The following CCSER1 variants were observed in gnomAD, a reference collection of about 807,000 sequenced individuals.
CCSER1 encodes the protein serine-rich coiled-coil domain-containing protein 1.
A neutral mutation model predicts 82.0 loss-of-function variants in CCSER1; 41 were observed. The ratio of observed to expected loss-of-function variants is 0.50; its 90% CI spans 0.39 to 0.65. The LOEUF (loss-of-function observed/expected upper bound fraction) is 0.65. CCSER1 is among the 30% of genes least tolerant of loss of function. CCSER1 has a pLI of 0.00. For missense variants in CCSER1, 1,119 were observed against 1,064.2 expected, an observed-to-expected ratio of 1.05 and a Z score of -0.72; for synonymous variants, 414 against 383.9, an observed-to-expected ratio of 1.08 and a Z score of -0.92.
intron 1 of CCSER1, among the ~76,000 whole-genome samples, chr4:90,131,272 G>GT (rs1722790732): frequency 6.6e-6 from 1 of 152,220 alleles, no homozygotes; most frequent in African/African-American, 2.4e-5. Flanking sequence ...AAGTGCTGGG[G>GT]TAACAGGCGT....
intron 8 of CCSER1, among the ~76,000 whole-genome samples, chr4:90,921,956 A>AT (rs1473306907): frequency 1.3e-5 from 2 of 151,912 alleles, no homozygotes; most frequent in African/African-American, 2.4e-5. Flanking sequence ...AGATAAATAC[A>AT]TTTTTTTCTC....
chr4:90,210,579 GA>G (rs1739791821), intron 1 of CCSER1, among the ~76,000 whole-genome samples: 1 of 151,900 alleles, frequency 6.6e-6, no homozygotes, highest in South Asian at 2.1e-4. Flanking sequence ...GAGTAGCTGA[GA>G]CTACAGGCAT....
chr4:90,946,087 A>T lies in CCSER1; in HGVS notation c.2172+22640A>T, dbSNP rs114229941. The stretch of plus-strand genomic sequence containing the variant: ...AAAAATAAACTAAAATTTTAATAAG[A>T]TAACTTTTTGCCTTTGATTTTTATA... On this transcript the variant is annotated intron_variant, in intron 9 of 10. Coordinates refer to ENST00000509176, the MANE Select transcript of CCSER1 (RefSeq NM_001145065.2). 6.0e-3 allele frequency among the ~76,000 whole-genome samples: 917 copies of T among 152,278 alleles called. 7 individuals carry two copies. Among genetic ancestry groups the T allele is most frequent in the African/African-American group, 0.021 (868 of 41,572 alleles).
At chr4:90,326,798 G>T (rs1202778844) in intron 3 of CCSER1, among the ~76,000 whole-genome samples, 1 of 152,116 alleles carries the variant, frequency 6.6e-6, no homozygotes, top group Non-Finnish European at 1.5e-5. Context: ...TTCGGCATCC[G>T]ATGAGCCCTG....
chr4:90,997,588 G>T (rs566664558), intron 9 of CCSER1, among the ~76,000 whole-genome samples: 1 of 152,274 alleles, frequency 6.6e-6, no homozygotes, highest in East Asian at 1.9e-4. Context: ...CATATAGTAG[G>T]TGCACATTTA....
chr4:91,116,353 G>A (rs192528413), intron 10 of CCSER1, among the ~76,000 whole-genome samples: 2 of 152,096 alleles, frequency 1.3e-5, no homozygotes, highest in Non-Finnish European at 2.9e-5. Flanking sequence ...ACAGTGTGCC[G>A]CTTGCAAGCT....
intron 10 of CCSER1, among the ~76,000 whole-genome samples, chr4:91,333,212 C>G (rs911401266): frequency 3.9e-5 from 6 of 151,950 alleles, no homozygotes; most frequent in African/African-American, 1.4e-4. Context: ...AAAAAGAATT[C>G]TGAATACAGT....
intron 6 of CCSER1, among the ~76,000 whole-genome samples, chr4:90,700,222 G>A (rs1329798461): frequency 6.6e-6 from 1 of 152,058 alleles, no homozygotes; most frequent in African/African-American, 2.4e-5. Context: ...CCACCTATGA[G>A]TGAGAACATG....
intron 8 of CCSER1, among the ~76,000 whole-genome samples, chr4:90,834,219 A>G (rs968866536): frequency 1.3e-5 from 2 of 152,222 alleles, no homozygotes; most frequent in African/African-American, 2.4e-5. Flanking sequence ...TTTCCTTCCT[A>G]GTACTCACAA....
chr4:91,457,003 A>G (rs916748409), intron 10 of CCSER1, among the ~76,000 whole-genome samples: 6 of 152,174 alleles, frequency 3.9e-5, no homozygotes, highest in African/African-American at 1.4e-4. Context: ...TATTTAATTT[A>G]GGAAGTATTC....
intron 7 of CCSER1, among the ~76,000 whole-genome samples, chr4:90,798,706 G>A (rs555895216): frequency 2.1e-4 from 32 of 152,246 alleles, no homozygotes; most frequent in Admixed American, 1.3e-3. Flanking sequence ...GTGACATTAC[G>A]TGGATTCAAC....
At chr4:90,175,551 A>G (rs1324210511) in intron 1 of CCSER1, among the ~76,000 whole-genome samples, 1 of 152,020 alleles carries the variant, frequency 6.6e-6, no homozygotes, top group Non-Finnish European at 1.5e-5. Flanking sequence ...GATCTGACAC[A>G]CAATAAAAGT....
chr4:90,407,991 C>T (rs775600863), intron 4 of CCSER1, among the ~76,000 whole-genome samples: 12 of 152,080 alleles, frequency 7.9e-5, no homozygotes, highest in African/African-American at 2.4e-4. Flanking sequence ...GATTATATCC[C>T]GCGCATGGCT....
chr4:90,701,482 C>T (rs984074577), intron 6 of CCSER1, among the ~76,000 whole-genome samples: 7 of 152,014 alleles, frequency 4.6e-5, no homozygotes, highest in Non-Finnish European at 1.0e-4. Context: ...TTTTTTGGTT[C>T]CGTATGAACT....
chr4:90,378,858 C>T (rs1340094864), intron 3 of CCSER1, among the ~76,000 whole-genome samples: 1 of 152,136 alleles, frequency 6.6e-6, no homozygotes, highest in African/African-American at 2.4e-5. Flanking sequence ...TTATTAATGT[C>T]TCTCTACAGA....
chr4:91,442,814 A>G (rs1452142655), intron 10 of CCSER1, among the ~76,000 whole-genome samples: 1 of 151,820 alleles, frequency 6.6e-6, no homozygotes, highest in Non-Finnish European at 1.5e-5. Flanking sequence ...TGGGCAAAGG[A>G]CATGAACAGA....
At chr4:90,493,735 G>A (rs184142853) in intron 5 of CCSER1, among the ~76,000 whole-genome samples, 323 of 151,924 alleles carry the variant, frequency 2.1e-3, no homozygotes, top group East Asian at 4.8e-3. Flanking sequence ...TGTCACCACC[G>A]CTCCTGCCCT....
At chr4:91,539,776 C>G (rs187491831) in intron 10 of CCSER1, among the ~76,000 whole-genome samples, 1 of 152,144 alleles carries the variant, frequency 6.6e-6, no homozygotes, top group East Asian at 1.9e-4. Flanking sequence ...TCTGTACCAC[C>G]TTCTCTTTAC....
At chr4:90,639,059 T>A (rs1157110830) in intron 6 of CCSER1, among the ~76,000 whole-genome samples, 2 of 152,048 alleles carry the variant, frequency 1.3e-5, no homozygotes, top group Non-Finnish European at 2.9e-5. Context: ...GGGTAGGCAC[T>A]CATGAACATG....
Sources: allele counts gnomAD v4.1 joint callset (sites outside exome capture counted in the v4.1 genomes callset), GRCh38; gene constraint gnomAD v4.1.1; transcripts MANE v1.5; gene names NCBI Gene and HGNC (gene_info 2026-07-23, HGNC 2026-07-21).